XPNPEP3: variants seen among roughly 807,000 people sequenced by gnomAD.
XPNPEP3 encodes X-prolyl aminopeptidase 3, also known as xaa-Pro aminopeptidase 3.
XPNPEP3 carries 41 observed loss-of-function variants against 60.0 expected under a neutral mutation model. That is an observed-to-expected ratio of 0.68 (90% CI 0.53 to 0.89). The LOEUF is 0.89. Among genes scored for constraint, XPNPEP3 ranks in the 40% least tolerant of loss-of-function variants. The pLI, the probability that XPNPEP3 is intolerant of heterozygous loss-of-function variation, is 0.00. For missense variants in XPNPEP3, 598 were observed against 638.9 expected (o/e 0.94, Z 0.69); for synonymous variants, 212 against 223.2 (o/e 0.95, Z 0.45).
At chr22:40,873,557 G>A (rs1015225126) in intron 2 of XPNPEP3, among the ~76,000 whole-genome samples, 1 of 151,928 alleles carries the variant, frequency 6.6e-6, no homozygotes, top group Non-Finnish European at 1.5e-5. Context: ...GGTGGCTCAC[G>A]CCTATAATCC....
At chr22:40,924,968 AC>A (rs888243028) in intron 9 of XPNPEP3, among the ~76,000 whole-genome samples, 2 of 152,174 alleles carry the variant, frequency 1.3e-5, no homozygotes, top group African/African-American at 4.8e-5. Context: ...CCTCCAATAA[AC>A]AACAGATGGG....
At chr22:40,911,637 A>C (rs1230295286) in intron 6 of XPNPEP3, among the ~76,000 whole-genome samples, 1 of 150,164 alleles carries the variant, frequency 6.7e-6, no homozygotes, top group Non-Finnish European at 1.5e-5. Flanking sequence ...TCTACCTCCC[A>C]GGTTCAAGCG....
intron 1 of XPNPEP3, chr22:40,862,283 C>G (rs2057954948): frequency 9.1e-7 from 1 of 1,096,678 alleles, no homozygotes; most frequent in Non-Finnish European, 1.1e-6. Context: ...ATCCTGAATC[C>G]TCTGGACTGT....
At chr22:40,884,872 G>A (rs1045990597) in intron 3 of XPNPEP3, among the ~76,000 whole-genome samples, 1 of 151,120 alleles carries the variant, frequency 6.6e-6, no homozygotes, top group East Asian at 2.0e-4. Context: ...CTAAAAATAC[G>A]AAAAAATTAG....
chr22:40,890,187 A>G (rs367989298), intron 4 of XPNPEP3, among the ~76,000 whole-genome samples: 5 of 152,262 alleles, frequency 3.3e-5, no homozygotes, highest in South Asian at 4.1e-4. Context: ...CCCCTATATT[A>G]CATCATATAG....
chr22:40,888,088 C>G (rs1307398768), intron 4 of XPNPEP3, among the ~76,000 whole-genome samples: 2 of 152,096 alleles, frequency 1.3e-5, no homozygotes, highest in Non-Finnish European at 2.9e-5. Context: ...TAAATAATAA[C>G]TTCCCATTCT....
intron 2 of XPNPEP3, among the ~76,000 whole-genome samples, chr22:40,879,571 G>GT (rs2058039621): frequency 6.6e-6 from 1 of 152,024 alleles, no homozygotes; most frequent in Non-Finnish European, 1.5e-5. Context: ...GCCAGGCATG[G>GT]TGGCTCATGC....
At chr22:40,860,754 G>A in intron 1 of XPNPEP3, 1 of 758,086 alleles carries the variant, frequency 1.3e-6, no homozygotes, top group Non-Finnish European at 2.1e-6. Context: ...CCAGGCTCAA[G>A]CAGTCTTTCT....
intron 6 of XPNPEP3, among the ~76,000 whole-genome samples, chr22:40,911,526 A>C (rs544648562): frequency 1.4e-5 from 2 of 140,884 alleles, no homozygotes; most frequent in Non-Finnish European, 3.1e-5. Flanking sequence ...ATATTGAGGC[A>C]TTTTCTTTCT....
At chr22:40,879,815 C>T (rs974370757) in intron 2 of XPNPEP3, among the ~76,000 whole-genome samples, 1 of 151,962 alleles carries the variant, frequency 6.6e-6, no homozygotes, top group Non-Finnish European at 1.5e-5. Context: ...GCCCTCCAGC[C>T]TGGGTGACAG....
At chr22:40,914,769 A>G (rs928201060) in intron 7 of XPNPEP3, among the ~76,000 whole-genome samples, 5 of 151,982 alleles carry the variant, frequency 3.3e-5, no homozygotes, top group African/African-American at 1.2e-4. Flanking sequence ...TTTAAAATAC[A>G]GAAGTAATAT....
intron 4 of XPNPEP3, among the ~76,000 whole-genome samples, chr22:40,899,390 A>G (rs1181292623): frequency 2.6e-5 from 4 of 152,072 alleles, no homozygotes; most frequent in Admixed American, 2.6e-4. Context: ...CTCCCAATCC[A>G]TTTTGCTAGC....
intron 8 of XPNPEP3, among the ~76,000 whole-genome samples, chr22:40,923,737 G>A (rs2058224828): frequency 2.0e-5 from 3 of 151,868 alleles, no homozygotes; most frequent in African/African-American, 4.8e-5. Context: ...CTATAATCCC[G>A]GCTATTTGGG....
chr22:40,915,784 A>T (rs978094609), intron 7 of XPNPEP3, among the ~76,000 whole-genome samples: 1 of 152,214 alleles, frequency 6.6e-6, no homozygotes, highest in African/African-American at 2.4e-5. Context: ...CAGAATATTT[A>T]AAAATCCTTG....
Position 40,868,992 on chromosome 22 carries a change from C to T in XPNPEP3, c.65-7C>T, listed in dbSNP as rs770364149. The T allele has an allele frequency of 1.2e-6, 2 of 1,603,612 alleles. No individual in the cohort carries two copies. Among genetic ancestry groups the T allele is most frequent in the Non-Finnish European group, 1.7e-6 (2 of 1,170,486 alleles). On this transcript the variant is annotated splice_region_variant and splice_polypyrimidine_tract_variant and intron_variant, in intron 1 of 9. Coordinates refer to ENST00000357137, the MANE Select transcript of XPNPEP3 (RefSeq NM_022098.4). ...GTTTCATTTCATTCTCTTTATTCTT[C>T]ATTCAGGATGTATGTTGTGTTCACA...
chr22:40,891,607 C>T (rs1300672051), intron 4 of XPNPEP3, among the ~76,000 whole-genome samples: 1 of 151,148 alleles, frequency 6.6e-6, no homozygotes, highest in Non-Finnish European at 1.5e-5. Flanking sequence ...GAGCAGAGAT[C>T]GCACCACTGC....
Position 40,857,237 on chromosome 22 carries a change from G to A in XPNPEP3, c.56G>A (p.Gly19Asp). Reference protein sequence around the residue: ...KLVPAVANVRGLSGCMLCSQR... With the variant: ...KLVPAVANVRDLSGCMLCSQR... The stretch of plus-strand genomic sequence containing the variant: ...GTTCCCGCTGTAGCAAACGTCCGCG[G>A]CCTCTCAGGTTAGACTCTTCTCCCA... Residue 19 changes from glycine to aspartate, a missense_variant, in exon 1 of 10, where the codon GGC (glycine) becomes GAC (aspartate). Transcript: ENST00000357137. The A allele has an allele frequency of 1.2e-6, 2 of 1,614,174 alleles. No homozygotes were observed. The highest frequency in any genetic ancestry group is 1.7e-6 in the Non-Finnish European group (2 of 1,180,028).
chr22:40,926,130 C>T (rs907467359), intron 9 of XPNPEP3, 139 bp from the exon 10 acceptor site: 2 of 875,338 alleles, frequency 2.3e-6, no homozygotes, highest in African/African-American at 3.3e-5. Flanking sequence ...TCATTTAATC[C>T]TCACAGCTTT....
At chr22:40,918,487 C>T (rs1418961460) in intron 7 of XPNPEP3, among the ~76,000 whole-genome samples, 1 of 152,062 alleles carries the variant, frequency 6.6e-6, no homozygotes, top group East Asian at 1.9e-4. Flanking sequence ...GCCTAGCCAA[C>T]ATGGTGAAAC....
Sources: allele counts gnomAD v4.1 joint callset (sites outside exome capture counted in the v4.1 genomes callset), GRCh38; gene constraint gnomAD v4.1.1; transcripts MANE v1.5; gene names NCBI Gene and HGNC (gene_info 2026-07-23, HGNC 2026-07-21).